PRKN: variants seen among roughly 807,000 people sequenced by gnomAD.
PRKN encodes parkin RBR E3 ubiquitin protein ligase, also known as E3 ubiquitin-protein ligase parkin.
PRKN carries 56 observed loss-of-function variants against 59.5 expected under a neutral mutation model. The observed-to-expected ratio is 0.94, with a 90% CI of 0.76 to 1.18. The LOEUF (loss-of-function observed/expected upper bound fraction) is 1.18. PRKN is among the 50% of genes most tolerant of loss of function. PRKN has a pLI of 0.00. For synonymous variants in PRKN, 250 were observed against 222.1 expected (o/e 1.13, Z -1.12); for missense variants, 657 against 596.4 (o/e 1.10, Z -1.06).
intron 6 of PRKN, among the ~76,000 whole-genome samples, chr6:161,864,240 C>T (rs760129740): frequency 1.3e-5 from 2 of 152,194 alleles, no homozygotes; most frequent in Non-Finnish European, 2.9e-5. Flanking sequence ...CCTGCTGCTG[C>T]CTCATCAACT....
intron 7 of PRKN, among the ~76,000 whole-genome samples, chr6:161,715,428 G>A (rs1387386653): frequency 6.6e-6 from 1 of 151,968 alleles, no homozygotes; most frequent in Non-Finnish European, 1.5e-5. Flanking sequence ...TCTTATTTTT[G>A]TTTATCTGTA....
chr6:162,649,227 G>A (rs908041133), intron 1 of PRKN, among the ~76,000 whole-genome samples: 1 of 152,146 alleles, frequency 6.6e-6, no homozygotes, highest in Admixed American at 6.5e-5. Flanking sequence ...CTAGATGCAG[G>A]TAATATAACC....
chr6:162,245,703 C>T (rs186960617), intron 3 of PRKN, among the ~76,000 whole-genome samples: 14 of 152,168 alleles, frequency 9.2e-5, no homozygotes, highest in African/African-American at 3.4e-4. Flanking sequence ...TCCACTTTTT[C>T]CCCTTTTTCT....
chr6:161,460,507 C>T lies in PRKN; in HGVS notation c.1084-73630G>A, dbSNP rs932156690. ...GGCCAGGGGACACTTCTCTGAACCC[C>T]CGTGATCACTTGGGTTTGGGGAAGG... On this transcript the variant is annotated intron_variant, in intron 9 of 11. Coordinates refer to ENST00000366898, the MANE Select transcript of PRKN (RefSeq NM_004562.3). The surrounding 1 kb of genome is among the most constrained non-coding windows in gnomAD (Gnocchi z 5.0). 2.0e-5 allele frequency among the ~76,000 whole-genome samples: 3 copies of T among 152,120 alleles called. No homozygotes were observed. The highest frequency in any genetic ancestry group is 6.5e-5 in the Admixed American group (1 of 15,270).
chr6:162,102,587 C>T (rs1359479509), intron 4 of PRKN, among the ~76,000 whole-genome samples: 1 of 152,026 alleles, frequency 6.6e-6, no homozygotes, highest in East Asian at 1.9e-4. Flanking sequence ...ATTTTTTGCA[C>T]AAATATTTGA....
At chr6:162,043,386 T>C (rs1784138645) in intron 5 of PRKN, among the ~76,000 whole-genome samples, 1 of 152,196 alleles carries the variant, frequency 6.6e-6, no homozygotes, top group Admixed American at 6.5e-5. Context: ...CACAGTTAGA[T>C]AAACCCAACA....
At chr6:162,119,357 G>A (rs2128305023) in intron 4 of PRKN, among the ~76,000 whole-genome samples, 1 of 152,250 alleles carries the variant, frequency 6.6e-6, no homozygotes, top group Middle Eastern at 3.4e-3. Context: ...TTGAAGGCTG[G>A]GCAGGGCTGT....
chr6:161,908,244 G>A (rs6899750), intron 6 of PRKN, among the ~76,000 whole-genome samples: 59,700 of 151,750 alleles, frequency 0.39, 12,147 homozygotes, highest in Middle Eastern at 0.53. Context: ...GAGTCAGTGG[G>A]GCAGATTTCC....
chr6:161,637,538 T>A (rs529817548), intron 7 of PRKN, among the ~76,000 whole-genome samples: 76 of 152,276 alleles, frequency 5.0e-4, no homozygotes, highest in African/African-American at 1.7e-3. Flanking sequence ...TACTGCTCCC[T>A]TGGAGGCTGC....
intron 5 of PRKN, among the ~76,000 whole-genome samples, chr6:161,997,930 A>C (rs1781906438): frequency 6.6e-6 from 1 of 152,108 alleles, no homozygotes; most frequent in Non-Finnish European, 1.5e-5. Context: ...CCTGTGTCCT[A>C]AAATACAGGA....
chr6:162,358,211 A>G (rs1214642520), intron 2 of PRKN, among the ~76,000 whole-genome samples: 1 of 152,180 alleles, frequency 6.6e-6, no homozygotes, highest in Non-Finnish European at 1.5e-5. Context: ...TGTATGTACA[A>G]TTTGTCTGTA....
chr6:162,179,428 C>G (rs1329446624), intron 4 of PRKN, among the ~76,000 whole-genome samples: 10 of 152,254 alleles, frequency 6.6e-5, no homozygotes, highest in Admixed American at 6.5e-4. Context: ...TGCACCATGG[C>G]TCTCCTGACT....
rs1221845837 is a variant in PRKN, at chr6:161,444,329, T to G, written c.1084-57452A>C. On this transcript the variant is annotated intron_variant, in intron 9 of 11. Transcript: ENST00000366898. The surrounding 1 kb of genome is among the most constrained non-coding windows in gnomAD (Gnocchi z 5.6). ...GATTCTCTTCCTTAAAGACACATTC[T>G]CTGATGAACAGAATGTGCTCTGTAA... Among the ~76,000 whole-genome samples, 1 of 152,346 alleles carries G rather than the reference T, an allele frequency of 6.6e-6. No individual in the cohort carries two copies. The highest frequency in any genetic ancestry group is 2.4e-5 in the African/African-American group (1 of 41,580).
At chr6:162,561,577 A>G (rs1779847687) in intron 1 of PRKN, among the ~76,000 whole-genome samples, 1 of 152,158 alleles carries the variant, frequency 6.6e-6, no homozygotes, top group South Asian at 2.1e-4. Context: ...AACAAAAACA[A>G]AAACAAAAAA....
chr6:162,506,623 G>A (rs1194916975), intron 1 of PRKN, among the ~76,000 whole-genome samples: 1 of 152,156 alleles, frequency 6.6e-6, no homozygotes, highest in Admixed American at 6.5e-5. Flanking sequence ...GAAGAGGTGG[G>A]ATAAAAATGG....
intron 4 of PRKN, among the ~76,000 whole-genome samples, chr6:162,149,823 C>T (rs983328609): frequency 6.6e-6 from 1 of 152,068 alleles, no homozygotes; most frequent in African/African-American, 2.4e-5. Context: ...AGTCAAGAGA[C>T]GGAAAGAGGG....
chr6:161,402,929 G>C lies in PRKN; in HGVS notation c.1084-16052C>G, dbSNP rs1315875144. Among the ~76,000 whole-genome samples the C allele has an allele frequency of 6.6e-6, 1 of 152,134 alleles. No homozygotes were observed. Among genetic ancestry groups the C allele is most frequent in the Non-Finnish European group, 1.5e-5 (1 of 68,028 alleles). The stretch of plus-strand genomic sequence containing the variant: ...TCTTCCCCGGCTGACACAATTCCCT[G>C]GGAGGGGATTCACGACAACTGAGAT... On this transcript the variant is annotated intron_variant, in intron 9 of 11. Coordinates refer to ENST00000366898, the MANE Select transcript of PRKN (RefSeq NM_004562.3). The surrounding 1 kb of genome is among the most constrained non-coding windows in gnomAD (Gnocchi z 4.5).
intron 2 of PRKN, among the ~76,000 whole-genome samples, chr6:162,266,044 G>C (rs1270244736): frequency 6.6e-6 from 1 of 152,168 alleles, no homozygotes; most frequent in Non-Finnish European, 1.5e-5. Flanking sequence ...ATCAGGATCC[G>C]AGTATACTCA....
chr6:161,420,413 G>T (rs1296790317), intron 9 of PRKN, among the ~76,000 whole-genome samples: 1 of 152,120 alleles, frequency 6.6e-6, no homozygotes, highest in Non-Finnish European at 1.5e-5. Context: ...AGTTTATCTG[G>T]ATAAAATGAC....
Sources: gnomAD v4.1 joint callset for allele counts (sites outside exome capture counted in the v4.1 genomes callset) on GRCh38, gnomAD v4.1.1 for gene constraint, Gnocchi (gnomAD v3.1) non-coding constraint, MANE v1.5 for transcripts, NCBI Gene and HGNC (gene_info 2026-07-23, HGNC 2026-07-21) for gene names.